The following FUBP1 variants were observed in gnomAD, a reference collection of about 807,000 sequenced individuals.
FUBP1 encodes the protein far upstream element-binding protein 1.
A neutral mutation model predicts 94.9 loss-of-function variants in FUBP1; 16 were observed. The observed-to-expected ratio is 0.17, with a 90% CI of 0.11 to 0.26. The LOEUF is 0.26. Ranked by LOEUF, FUBP1 falls within the 10% of genes least tolerant of loss-of-function variation. The pLI is 1.00. For missense variants in FUBP1, 583 were observed against 808.6 expected (o/e 0.72, Z 3.38); for synonymous variants, 279 against 254.9 (o/e 1.09, Z -0.90).
At chr1:77,956,543 C>T (rs945473473) in intron 17 of FUBP1, 29 bp downstream of exon 17, 19 of 1,575,990 alleles carry the variant, frequency 1.2e-5, no homozygotes, top group Non-Finnish European at 1.6e-5. Context: ...CAACTTTTGG[C>T]TTTCACATAC....
chr1:77,952,777 C>T (rs1653723874), intron 18 of FUBP1, among the ~76,000 whole-genome samples: 1 of 152,192 alleles, frequency 6.6e-6, no homozygotes, highest in African/African-American at 2.4e-5. Flanking sequence ...GACAAATTGA[C>T]TCCGTATGAT....
intron 14 of FUBP1, among the ~76,000 whole-genome samples, chr1:77,962,158 A>G (rs1053479554): frequency 6.6e-6 from 1 of 152,250 alleles, no homozygotes; most frequent in Non-Finnish European, 1.5e-5. Context: ...TTCTAACAGA[A>G]AACTTTCCTG....
At chr1:77,949,931 A>G (rs1344123026) in intron 18 of FUBP1, among the ~76,000 whole-genome samples, 1 of 152,220 alleles carries the variant, frequency 6.6e-6, no homozygotes, top group Non-Finnish European at 1.5e-5. Flanking sequence ...AAGTAACCTG[A>G]CAAGGAATAA....
intron 1 of FUBP1, among the ~76,000 whole-genome samples, chr1:77,973,633 T>C (rs942372803): frequency 1.3e-5 from 2 of 152,256 alleles, no homozygotes; most frequent in African/African-American, 2.4e-5. Flanking sequence ...TTATTTTTCC[T>C]GTTTTCACTA....
chr1:77,961,670 G>C (rs955506310), intron 14 of FUBP1, among the ~76,000 whole-genome samples: 1 of 152,176 alleles, frequency 6.6e-6, no homozygotes, highest in African/African-American at 2.4e-5. Context: ...CAGAGTCCAT[G>C]CTCTTAATCA....
At chr1:77,969,855 GA>G in intron 2 of FUBP1, 69 bp downstream of exon 2, 1 of 687,134 alleles carries the variant, frequency 1.5e-6, no homozygotes. Flanking sequence ...TAAAATAACA[GA>G]AAAATACCGA....
At chr1:77,960,841 C>T (rs2102353355) in intron 14 of FUBP1, 1 of 219,272 alleles carries the variant, frequency 4.6e-6, no homozygotes, top group African/African-American at 2.4e-5. Flanking sequence ...TCACAGAAAT[C>T]AGGTCCTTAT....
At chr1:77,975,305 A>G (rs1370176038) in intron 1 of FUBP1, among the ~76,000 whole-genome samples, 1 of 152,220 alleles carries the variant, frequency 6.6e-6, no homozygotes, top group African/African-American at 2.4e-5. Flanking sequence ...GACACTAGAA[A>G]TATTACCATA....
At chr1:77,951,857 C>T (rs1483290183) in intron 18 of FUBP1, among the ~76,000 whole-genome samples, 3 of 152,140 alleles carry the variant, frequency 2.0e-5, no homozygotes, top group East Asian at 1.9e-4. Context: ...ACCTTTCCCA[C>T]AAGTCCTCAC....
Position 77,949,148 on chromosome 1 carries a change from A to G in FUBP1, c.1926+7T>C. ...TAGAAATCAACAAATTAGCAATTACATTATACCTGAGGTGCTGGAGGATGC... is the reference window on the plus strand; with the variant it reads ...TAGAAATCAACAAATTAGCAATTACGTTATACCTGAGGTGCTGGAGGATGC... On this transcript the variant is annotated splice_region_variant and intron_variant, in intron 19 of 19. Transcript: ENST00000370768. 1 of 1,610,318 alleles carries G rather than the reference A, an allele frequency of 6.2e-7. No homozygotes were observed. Among genetic ancestry groups the G allele is most frequent in the South Asian group, 1.1e-5 (1 of 90,976 alleles).
intron 14 of FUBP1, 129 bp from the exon 15 acceptor site, chr1:77,960,624 T>C: frequency 1.4e-6 from 1 of 696,024 alleles, no homozygotes; most frequent in Non-Finnish European, 2.2e-6. Flanking sequence ...TTTCCTTCCT[T>C]TCCTCATTCA....
rs1448114956 is a variant in FUBP1 at position 77,960,491 on chromosome 1, G to A, written c.1349C>T (p.Pro450Leu). Residue 450 changes from proline to leucine, a missense_variant, in exon 15 of 20, where the codon CCA (proline) becomes CTA (leucine). Coordinates refer to ENST00000370768, the MANE Select transcript of FUBP1 (RefSeq NM_003902.5). ...TACAGGTGGCCCTAAAGGATTTACT[G>A]GGCCCTACAAAAAAAAGGATGACAT... ...RQLIEEKIGG[P>L]VNPLGPPVPH... 2.5e-6 allele frequency: 4 copies of A among 1,598,092 alleles called. No individual in the cohort carries two copies. In the African/African-American group the frequency reaches 5.4e-5, roughly 22 times the overall value.
At chr1:77,971,372 C>T (rs1657503603) in intron 1 of FUBP1, among the ~76,000 whole-genome samples, 1 of 152,074 alleles carries the variant, frequency 6.6e-6, no homozygotes, top group Non-Finnish European at 1.5e-5. Flanking sequence ...CAAAGAGATC[C>T]CCATATGGAT....
rs2102431386 is a variant in FUBP1, at chr1:77,967,666, G to A, written c.251C>T (p.Ser84Phe). 6.4e-7 allele frequency: 1 copy of A among 1,558,992 alleles called. No individual in the cohort carries two copies. Among genetic ancestry groups the A allele is most frequent in the Non-Finnish European group, 8.8e-7 (1 of 1,138,756 alleles). Residue 84 changes from serine (S) to phenylalanine (F), a missense_variant and splice_region_variant, in exon 4 of 20, where the codon TCT (serine) becomes TTT (phenylalanine). Coordinates refer to ENST00000370768, the MANE Select transcript of FUBP1 (RefSeq NM_003902.5). ...CATCGGTGGTAACTGTGTTCCAAAA[G>A]CTATCAAAAAATTAAATAAAAATAA... Reference protein sequence around the residue: ...DAKKVAPQNDSFGTQLPPMHQ... With the variant: ...DAKKVAPQNDFFGTQLPPMHQ...
intron 1 of FUBP1, among the ~76,000 whole-genome samples, chr1:77,977,480 C>G (rs1295616814): frequency 6.6e-6 from 1 of 152,168 alleles, no homozygotes; most frequent in Non-Finnish European, 1.5e-5. Context: ...GGGACGAGAT[C>G]GCACCACTGC....
intron 18 of FUBP1, among the ~76,000 whole-genome samples, chr1:77,954,111 C>A (rs1274868001): frequency 6.6e-6 from 1 of 152,154 alleles, no homozygotes; most frequent in African/African-American, 2.4e-5. Flanking sequence ...CAAGTGTGTG[C>A]CACCGCACGT....
rs1471230096 is a variant in FUBP1 at position 77,949,284 on chromosome 1, AGCAGGAACT to A, written c.1788_1796del (p.Val597_Ala599del). ...GACCACCTGGAGGAGCCCCAGTCGGAGCAGGAACTGCCTGACCTTTGAAAAAAAAGAACT... is the reference window on the plus strand; with the variant it reads ...GACCACCTGGAGGAGCCCCAGTCGGAGCCTGACCTTTGAAAAAAAAGAACT... On this transcript the variant is annotated inframe_deletion, in exon 19 of 20. Transcript: ENST00000370768. The A allele has an allele frequency of 1.9e-6, 3 of 1,613,680 alleles. No homozygotes were observed. The highest frequency in any genetic ancestry group is 2.5e-6 in the Non-Finnish European group (3 of 1,179,710).
At chr1:77,956,541 G>C (rs1654494596) in intron 17 of FUBP1, 31 bp downstream of exon 17, 1 of 1,554,208 alleles carries the variant, frequency 6.4e-7, no homozygotes, top group Admixed American at 1.7e-5. Flanking sequence ...CACAACTTTT[G>C]GCTTTCACAT....
intron 14 of FUBP1, chr1:77,960,912 T>C (rs563238140): frequency 6.2e-6 from 1 of 161,460 alleles, no homozygotes; most frequent in Non-Finnish European, 1.3e-5. Flanking sequence ...GACAATATAT[T>C]CCCAAACCGC....
Sources: allele counts gnomAD v4.1 joint callset (sites outside exome capture counted in the v4.1 genomes callset), GRCh38; gene constraint gnomAD v4.1.1; transcripts MANE v1.5; gene names NCBI Gene and HGNC (gene_info 2026-07-23, HGNC 2026-07-21).